STPG2: variants seen among roughly 807,000 people sequenced by gnomAD.
STPG2 encodes sperm-tail PG-rich repeat-containing protein 2.
A neutral mutation model predicts 54.2 loss-of-function variants in STPG2; 56 were observed. The observed-to-expected ratio is 1.03, with a 90% CI of 0.83 to 1.29. STPG2 has a LOEUF of 1.29. Among genes scored for constraint, STPG2 ranks in the 50% most tolerant of loss-of-function variants. The pLI is 0.00. For synonymous variants in STPG2, 200 were observed against 181.8 expected, an observed-to-expected ratio of 1.10 and a Z score of -0.81; for missense variants, 596 against 544.9, an observed-to-expected ratio of 1.09 and a Z score of -0.93.
chr4:97,509,029 T>C (rs1333738539), intron 4 of STPG2, among the ~76,000 whole-genome samples: 1 of 152,122 alleles, frequency 6.6e-6, no homozygotes, highest in Non-Finnish European at 1.5e-5. Context: ...TGTTGTGTAT[T>C]TGAGTTCTTT....
At chr4:97,502,608 T>A (rs962836834) in intron 4 of STPG2, among the ~76,000 whole-genome samples, 4 of 151,514 alleles carry the variant, frequency 2.6e-5, no homozygotes, top group Non-Finnish European at 4.4e-5. Flanking sequence ...TTCAAAAATT[T>A]AAAAAAATGA....
intron 9 of STPG2, among the ~76,000 whole-genome samples, chr4:97,734,020 T>C (rs1724891179): frequency 1.3e-5 from 2 of 152,226 alleles, no homozygotes; most frequent in South Asian, 4.1e-4. Flanking sequence ...CTAATTGCTC[T>C]GGGCAAAATT....
chr4:97,731,385 A>G (rs985021832), intron 9 of STPG2, among the ~76,000 whole-genome samples: 1 of 152,096 alleles, frequency 6.6e-6, no homozygotes, highest in Non-Finnish European at 1.5e-5. Flanking sequence ...AGTATATTAC[A>G]CTTAAGAGTA....
chr4:97,795,952 G>A (rs1444741621), intron 9 of STPG2, among the ~76,000 whole-genome samples: 1 of 152,204 alleles, frequency 6.6e-6, no homozygotes, highest in Admixed American at 6.5e-5. Context: ...GATGGCCAGT[G>A]ATGATGAGCA....
chr4:97,632,624 A>G (rs1721328677), intron 10 of STPG2, among the ~76,000 whole-genome samples: 1 of 152,158 alleles, frequency 6.6e-6, no homozygotes, highest in African/African-American at 2.4e-5. Flanking sequence ...ACAGATATCA[A>G]TATGCTTTAT....
intron 3 of STPG2, among the ~76,000 whole-genome samples, chr4:98,112,300 T>C (rs1231427101): frequency 3.3e-5 from 5 of 152,268 alleles, no homozygotes; most frequent in Admixed American, 1.3e-4. Context: ...ATCTGTATCT[T>C]TGTAATCTGT....
intron 5 of STPG2, among the ~76,000 whole-genome samples, chr4:98,099,451 G>A (rs1738959729): frequency 6.6e-6 from 1 of 152,134 alleles, no homozygotes; most frequent in Non-Finnish European, 1.5e-5. Context: ...ACAGAAGGAT[G>A]ATTACCAGAT....
intron 10 of STPG2, among the ~76,000 whole-genome samples, chr4:97,645,698 G>A (rs2148949065): frequency 6.6e-6 from 1 of 152,202 alleles, no homozygotes; most frequent in Non-Finnish European, 1.5e-5. Context: ...CTGCAATGTG[G>A]AAGACATCCT....
At chr4:97,931,076 C>G (rs1010417249) in intron 8 of STPG2, among the ~76,000 whole-genome samples, 1 of 152,082 alleles carries the variant, frequency 6.6e-6, no homozygotes, top group Non-Finnish European at 1.5e-5. Context: ...GCTGAAGGGG[C>G]TTTTGGGCCA....
At chr4:97,548,195 A>G (rs1284044844) in intron 4 of STPG2, among the ~76,000 whole-genome samples, 1 of 151,894 alleles carries the variant, frequency 6.6e-6, no homozygotes, top group African/African-American at 2.4e-5. Context: ...GTCTGCACAG[A>G]CTCCTCGTGA....
At chr4:97,836,787 T>A (rs939443423) in intron 9 of STPG2, among the ~76,000 whole-genome samples, 3 of 151,132 alleles carry the variant, frequency 2.0e-5, no homozygotes, top group Admixed American at 6.6e-5. Context: ...TAAACAAGAA[T>A]ATTTACTGTA....
chr4:97,704,951 A>T (rs1313041957), intron 10 of STPG2, among the ~76,000 whole-genome samples: 1 of 152,108 alleles, frequency 6.6e-6, no homozygotes, highest in Non-Finnish European at 1.5e-5. Context: ...AAATATGGAA[A>T]AAATATCTTA....
chr4:98,054,765 GTTTC>G (rs1737430395), intron 5 of STPG2, among the ~76,000 whole-genome samples: 1 of 152,076 alleles, frequency 6.6e-6, no homozygotes, highest in Non-Finnish European at 1.5e-5. Flanking sequence ...CTTTGGTGGA[GTTTC>G]TTTCACAATA....
intron 9 of STPG2, among the ~76,000 whole-genome samples, chr4:97,832,103 T>C (rs1273031155): frequency 6.6e-6 from 1 of 152,104 alleles, no homozygotes; most frequent in Non-Finnish European, 1.5e-5. Context: ...TGATAAACAT[T>C]GATGCAAAAA....
intron 8 of STPG2, among the ~76,000 whole-genome samples, chr4:97,875,061 C>T (rs1274150678): frequency 6.6e-6 from 1 of 151,846 alleles, no homozygotes; most frequent in South Asian, 2.1e-4. Flanking sequence ...TATGGATATG[C>T]TAGTCTGTTG....
chr4:97,690,468 A>G (rs967523166), intron 10 of STPG2, among the ~76,000 whole-genome samples: 10 of 152,110 alleles, frequency 6.6e-5, no homozygotes, highest in African/African-American at 2.4e-4. Flanking sequence ...AGTAGGCAAT[A>G]GGTCCTATGT....
chr4:97,579,303 C>T (rs1215782264), intron 10 of STPG2, among the ~76,000 whole-genome samples: 1 of 151,922 alleles, frequency 6.6e-6, no homozygotes, highest in Non-Finnish European at 1.5e-5. Context: ...ATATACAAAA[C>T]ATTATCTATG....
Position 98,031,262 on chromosome 4 carries a change from T to A in STPG2, c.613-49944A>T, listed in dbSNP as rs144250298. On this transcript the variant is annotated intron_variant, in intron 5 of 10. Coordinates refer to ENST00000295268, the MANE Select transcript of STPG2 (RefSeq NM_174952.3). ...ATATAAAAATCAACTCAAGATTGAT[T>A]AAGGACTTAAATTTAAGACCTGAAA... 2.4e-3 allele frequency among the ~76,000 whole-genome samples: 372 copies of A among 152,298 alleles called. 2 individuals carry two copies. The highest frequency in any genetic ancestry group is 8.5e-3 in the African/African-American group (352 of 41,562).
chr4:98,067,313 A>T (rs978033935), intron 5 of STPG2, among the ~76,000 whole-genome samples: 5 of 152,192 alleles, frequency 3.3e-5, no homozygotes, highest in African/African-American at 1.2e-4. Flanking sequence ...ACACTAAAAA[A>T]ATTATTTGAG....
Sources: allele counts gnomAD v4.1 joint callset (sites outside exome capture counted in the v4.1 genomes callset), GRCh38; gene constraint gnomAD v4.1.1; transcripts MANE v1.5; gene names NCBI Gene and HGNC (gene_info 2026-07-23, HGNC 2026-07-21).